Variants in XPO6 observed in about 807,000 individuals in gnomAD.
XPO6 encodes exportin 6.
Under a neutral mutation model 130.0 loss-of-function variants are expected in XPO6, and 3 were observed. The ratio of observed to expected loss-of-function variants is 0.02; its 90% CI spans 0.01 to 0.06. XPO6 has a LOEUF of 0.06. Ranked by LOEUF, XPO6 falls within the 10% of genes least tolerant of loss-of-function variation. The pLI, the probability that XPO6 is intolerant of heterozygous loss-of-function variation, is 1.00. For synonymous variants in XPO6, 524 were observed against 548.9 expected, an observed-to-expected ratio of 0.95 and a Z score of 0.63; for missense variants, 970 against 1,393.0, an observed-to-expected ratio of 0.70 and a Z score of 4.83.
intron 14 of XPO6, among the ~76,000 whole-genome samples, chr16:28,120,588 G>A (rs2087207471): frequency 6.6e-6 from 1 of 152,160 alleles, no homozygotes; most frequent in Non-Finnish European, 1.5e-5. Context: ...GAGGGGCTCT[G>A]AAACTCCCAA....
At chr16:28,172,403 C>A (rs556769820) in intron 4 of XPO6, among the ~76,000 whole-genome samples, 2 of 152,144 alleles carry the variant, frequency 1.3e-5, no homozygotes, top group Non-Finnish European at 2.9e-5. Context: ...CACGACCCAA[C>A]AGAAGAAACA....
intron 1 of XPO6, among the ~76,000 whole-genome samples, chr16:28,192,358 C>T (rs1298914938): frequency 6.6e-6 from 1 of 152,000 alleles, no homozygotes; most frequent in Non-Finnish European, 1.5e-5. Flanking sequence ...GCATAATCAT[C>T]CCCTCCAGGT....
At chr16:28,178,746 T>G (rs1379951560) in intron 2 of XPO6, among the ~76,000 whole-genome samples, 1 of 140,850 alleles carries the variant, frequency 7.1e-6, no homozygotes, top group Non-Finnish European at 1.5e-5. Context: ...AAATCCTATC[T>G]CTTAAAACAA....
intron 1 of XPO6, among the ~76,000 whole-genome samples, chr16:28,191,900 G>C (rs1046432448): frequency 6.6e-6 from 1 of 152,196 alleles, no homozygotes; most frequent in African/African-American, 2.4e-5. Context: ...TGCTATTTAA[G>C]AGCAAGTCTC....
At chr16:28,100,248 C>T (rs2086627822) in intron 23 of XPO6, among the ~76,000 whole-genome samples, 1 of 152,178 alleles carries the variant, frequency 6.6e-6, no homozygotes, top group Non-Finnish European at 1.5e-5. Context: ...CCTTGGCCTC[C>T]CAAAGTGCTG....
intron 4 of XPO6, 80 bp from the exon 5 acceptor site, chr16:28,169,989 A>G: frequency 1.3e-6 from 2 of 1,527,206 alleles, no homozygotes; most frequent in Non-Finnish European, 1.8e-6. Flanking sequence ...AAAGCTATGA[A>G]GCATCTGTGT....
At chr16:28,100,404 T>A (rs764122483) in intron 23 of XPO6, among the ~76,000 whole-genome samples, 3 of 152,184 alleles carry the variant, frequency 2.0e-5, no homozygotes, top group Non-Finnish European at 2.9e-5. Context: ...AAAAAACATA[T>A]CCAGGGGCTG....
intron 5 of XPO6, chr16:28,167,397 G>A (rs1046946894): frequency 4.1e-6 from 4 of 984,928 alleles, no homozygotes; most frequent in Non-Finnish European, 4.8e-6. Flanking sequence ...CCTGACCCAG[G>A]CTTCAGCTCA....
Position 28,106,646 on chromosome 16 carries a change from T to C in XPO6, c.2498-149A>G. 3.1e-6 allele frequency: 2 copies of C among 644,976 alleles called. No homozygotes were observed. The highest frequency in any genetic ancestry group is 3.8e-5 in the South Asian group (2 of 52,854). The allele number at this position is 644,976 out of a possible 1,614,324, so 40.0% of individuals were successfully genotyped here. ...ATTTCCCCAACACCATCAGGGCCAA[T>C]GATGGAAAGTGGAAAACGATTAGGG... On this transcript the variant is annotated intron_variant, in intron 18 of 23. Transcript: ENST00000304658. This position sits in a 1 kb window ranked among gnomAD's most constrained non-coding sequence, Gnocchi z 4.2.
At chr16:28,167,166 A>G (rs1205446089) in intron 5 of XPO6, 2 of 985,056 alleles carry the variant, frequency 2.0e-6, no homozygotes, top group African/African-American at 3.5e-5. Context: ...GCCCAAACTC[A>G]CCTTGACTAT....
rs1208292761 is a variant in XPO6, at chr16:28,104,681, C to T, written c.2811G>A (p.Glu937=). ...GCGTCCGGAAAAGGAGCTCAAACAG[C>T]TCGGCCTTCACATCAGGGGAGGGAC... The part of the protein sequence containing the change: ...AERPSPDVKA[E]LFELLFRTLH... The change falls in exon 21 of 24, where the codon GAG becomes GAA. Residue 937 remains glutamate, a synonymous_variant. Coordinates refer to ENST00000304658, the MANE Select transcript of XPO6 (RefSeq NM_015171.4). 2.5e-6 allele frequency: 4 copies of T among 1,614,004 alleles called. No individual in the cohort carries two copies. The African/African-American group carries it at 4.0e-5, about 16-fold the overall frequency.
chr16:28,191,334 G>C (rs1323964209), intron 1 of XPO6, among the ~76,000 whole-genome samples: 15 of 152,198 alleles, frequency 9.9e-5, no homozygotes, highest in Admixed American at 9.8e-4. Flanking sequence ...TGCAGAAACT[G>C]TCTAAAGTAA....
At position 28,176,019 on chromosome 16, in the gene XPO6, A is replaced by C; in HGVS notation, c.284T>G (p.Leu95Arg). 6.2e-7 allele frequency: 1 copy of C among 1,614,210 alleles called. No individual in the cohort carries two copies. The highest frequency in any genetic ancestry group is 8.5e-7 in the Non-Finnish European group (1 of 1,180,034). The change falls in exon 4 of 24, where the codon CTT becomes CGT. Residue 95 changes from leucine (L) to arginine (R), a missense_variant. Leu to Arg is a moderately radical substitution (Grantham distance 102). Coordinates refer to ENST00000304658, the MANE Select transcript of XPO6 (RefSeq NM_015171.4). ...MEIRSCLPKL[L>R]LAHHKTLPYF... ...AGGTAAGGTTTTATGGTGAGCCAAA[A>C]GGAGTTTGGGCAGACAGCTACGGAT...
chr16:28,169,880 A>G lies in XPO6; in HGVS notation c.435T>C (p.Leu145=), dbSNP rs1948236617. 1 of 1,614,148 alleles carries G rather than the reference A, an allele frequency of 6.2e-7. No individual in the cohort carries two copies. The highest frequency in any genetic ancestry group is 1.1e-5 in the South Asian group (1 of 91,084). Residue 145 remains leucine (L), a synonymous_variant, in exon 5 of 24, where the codon CTT becomes CTC. Coordinates refer to ENST00000304658, the MANE Select transcript of XPO6 (RefSeq NM_015171.4). ...AAGTTGTCTTCAACATGATCAGCCC[A>G]AGGGGGGTTGTCACAGGGGACTGGA... ...QLIQSPVTTP[L]GLIMLKTTSE... is the part of the protein sequence containing the mutation.
At chr16:28,204,583 T>G (rs2044000091) in intron 1 of XPO6, among the ~76,000 whole-genome samples, 1 of 152,054 alleles carries the variant, frequency 6.6e-6, no homozygotes, top group South Asian at 2.1e-4. Context: ...CCAGCTTGGA[T>G]GTCAAGCAGA....
chr16:28,195,876 A>AGGTC (rs2043852953), intron 1 of XPO6, among the ~76,000 whole-genome samples: 1 of 152,214 alleles, frequency 6.6e-6, no homozygotes, highest in African/African-American at 2.4e-5. Flanking sequence ...ACATTTACTA[A>AGGTC]GGTCTTATGT....
chr16:28,104,102 C>T (rs529392085), intron 21 of XPO6, among the ~76,000 whole-genome samples: 12 of 152,288 alleles, frequency 7.9e-5, no homozygotes, highest in African/African-American at 2.9e-4. Flanking sequence ...GCCCTGAAAG[C>T]GAATGCTCCC....
rs245740 is a variant in XPO6, at chr16:28,132,654, T to A, written c.1537-251A>T. 0.058 allele frequency among the ~76,000 whole-genome samples: 7,958 copies of A among 138,320 alleles called. 548 individuals are homozygous for A. Among genetic ancestry groups the A allele is most frequent in the East Asian group, 0.18 (841 of 4,774 alleles). The allele number at this position is 138,320 out of a possible 152,430, so 90.7% of individuals were successfully genotyped here. On this transcript the variant is annotated intron_variant, in intron 11 of 23. Coordinates refer to ENST00000304658, the MANE Select transcript of XPO6 (RefSeq NM_015171.4). The surrounding 1 kb of genome is among the most constrained non-coding windows in gnomAD (Gnocchi z 4.0). ...AAACGTATTAGTTCAACCCTTTTTT[T>A]AAAAAAAAAAAAAAAGCAAAGGACA... is the stretch of plus-strand genomic sequence containing the variant.
chr16:28,195,884 T>C (rs75418231), intron 1 of XPO6, among the ~76,000 whole-genome samples: 1,738 of 152,330 alleles, frequency 0.011, 22 homozygotes, highest in Admixed American at 0.022. Flanking sequence ...TAAGGTCTTA[T>C]GTACTAGACA....
Sources: allele counts gnomAD v4.1 joint callset (sites outside exome capture counted in the v4.1 genomes callset), GRCh38; gene constraint gnomAD v4.1.1; non-coding constraint Gnocchi (gnomAD v3.1); transcripts MANE v1.5; gene names NCBI Gene and HGNC (gene_info 2026-07-23, HGNC 2026-07-21).